The following NRG1 variants were observed in gnomAD, a reference collection of about 807,000 sequenced individuals.
NRG1 encodes the protein pro-neuregulin-1, membrane-bound isoform.
NRG1 carries 18 observed loss-of-function variants against 63.8 expected under a neutral mutation model. The observed-to-expected ratio is 0.28, with a 90% CI of 0.19 to 0.42. The LOEUF is 0.42. Among genes scored for constraint, NRG1 ranks in the 10% least tolerant of loss-of-function variants. NRG1 has a pLI of 1.00. For synonymous variants in NRG1, 302 were observed against 301.3 expected (o/e 1.00, Z -0.02); for missense variants, 762 against 814.7 (o/e 0.94, Z 0.79).
intron 1 of NRG1, among the ~76,000 whole-genome samples, chr8:31,934,351 G>A (rs1835111194): frequency 6.7e-6 from 1 of 149,414 alleles, no homozygotes; most frequent in African/African-American, 2.5e-5. Flanking sequence ...ATATATATGT[G>A]TGTGTATATA....
chr8:32,684,287 C>T (rs913404159), intron 5 of NRG1, among the ~76,000 whole-genome samples: 2 of 152,066 alleles, frequency 1.3e-5, no homozygotes, highest in Non-Finnish European at 2.9e-5. Flanking sequence ...TTAAACATTA[C>T]CTACATTTAA....
At chr8:31,761,299 T>C (rs1817529225) in intron 1 of NRG1, among the ~76,000 whole-genome samples, 1 of 151,856 alleles carries the variant, frequency 6.6e-6, no homozygotes, top group African/African-American at 2.4e-5. Flanking sequence ...CTGGGGACTG[T>C]TGTGGGGTGA....
At chr8:32,752,025 A>G (rs1391739214) in intron 7 of NRG1, among the ~76,000 whole-genome samples, 1 of 152,206 alleles carries the variant, frequency 6.6e-6, no homozygotes, top group Non-Finnish European at 1.5e-5. Context: ...ATGTCAGTAG[A>G]CAAGAATAAC....
chr8:32,732,009 C>T (rs964653805), intron 6 of NRG1, among the ~76,000 whole-genome samples: 1 of 152,162 alleles, frequency 6.6e-6, no homozygotes, highest in African/African-American at 2.4e-5. Context: ...GATGTTACAG[C>T]AAATCTCTTT....
At chr8:32,692,220 T>G (rs1024355698) in intron 5 of NRG1, among the ~76,000 whole-genome samples, 3 of 152,220 alleles carry the variant, frequency 2.0e-5, no homozygotes, top group Non-Finnish European at 4.4e-5. Flanking sequence ...TTTAGCACAG[T>G]TGGCCTCTGG....
chr8:31,806,673 T>C (rs929166438), intron 1 of NRG1, among the ~76,000 whole-genome samples: 3 of 152,216 alleles, frequency 2.0e-5, no homozygotes, highest in Admixed American at 6.5e-5. Flanking sequence ...TTGATCCAAA[T>C]GACCATTAAT....
At chr8:32,459,695 A>G (rs60339291) in intron 1 of NRG1, among the ~76,000 whole-genome samples, 1 of 152,134 alleles carries the variant, frequency 6.6e-6, no homozygotes, top group African/African-American at 2.4e-5. Context: ...ATTTAGAATA[A>G]AATGAAACTC....
intron 1 of NRG1, among the ~76,000 whole-genome samples, chr8:31,951,462 A>G (rs572921950): frequency 1.3e-4 from 20 of 152,312 alleles, no homozygotes; most frequent in South Asian, 8.3e-4. Flanking sequence ...AAAAAAGTCA[A>G]TGGCTGAGAT....
At chr8:32,450,032 T>C (rs1207965687) in intron 1 of NRG1, among the ~76,000 whole-genome samples, 2 of 152,108 alleles carry the variant, frequency 1.3e-5, no homozygotes, top group African/African-American at 2.4e-5. Context: ...TGAACTGTGA[T>C]TGAATTTTAG....
intron 1 of NRG1, among the ~76,000 whole-genome samples, chr8:31,892,245 A>G (rs931967212): frequency 2.0e-5 from 3 of 152,182 alleles, no homozygotes; most frequent in South Asian, 2.1e-4. Context: ...CAGTTGATCA[A>G]GCTGCTCTTA....
intron 1 of NRG1, among the ~76,000 whole-genome samples, chr8:31,790,841 G>C (rs1486876405): frequency 6.6e-6 from 1 of 152,176 alleles, no homozygotes; most frequent in Non-Finnish European, 1.5e-5. Context: ...ACCTTGTCCA[G>C]GGGTGGTTAA....
chr8:32,543,261 A>G (rs1832746321), intron 1 of NRG1, among the ~76,000 whole-genome samples: 1 of 152,200 alleles, frequency 6.6e-6, no homozygotes, highest in South Asian at 2.1e-4. Context: ...ATATATTGAC[A>G]CACAAATAAA....
At chr8:32,054,718 ACT>A (rs1461881826) in intron 1 of NRG1, among the ~76,000 whole-genome samples, 1 of 151,962 alleles carries the variant, frequency 6.6e-6, no homozygotes, top group Non-Finnish European at 1.5e-5. Flanking sequence ...ATTTAGAAAC[ACT>A]CTGACATATC....
In NRG1 at chr8:32,083,936, TAGAG is replaced by T. The variant is rs150868858; in HGVS notation, c.37+444509_37+444512del. On this transcript the variant is annotated intron_variant, in intron 1 of 10. Coordinates refer to the NRG1 transcript ENST00000519301. Reference sequence around the variant, plus strand: ...TGACTGACAAAATTTTTGAAAGTAATAGAGAGAAACTGAGGCATAAAATTTACCT... The same window carrying T: ...TGACTGACAAAATTTTTGAAAGTAATAGAAACTGAGGCATAAAATTTACCT... Among the ~76,000 whole-genome samples the T allele has an allele frequency of 7.8e-3, 1,184 of 152,252 alleles. 6 individuals are homozygous for T. The highest frequency in any genetic ancestry group is 0.017 in the Middle Eastern group (5 of 294).
chr8:32,674,891 CCTT>C (rs1484148936), intron 5 of NRG1, among the ~76,000 whole-genome samples: 1 of 152,174 alleles, frequency 6.6e-6, no homozygotes, highest in Middle Eastern at 3.2e-3. Flanking sequence ...GCCCAAGTCT[CCTT>C]CTGAATCTAG....
intron 3 of NRG1, among the ~76,000 whole-genome samples, chr8:32,610,512 A>T (rs187864661): frequency 6.6e-6 from 1 of 152,324 alleles, no homozygotes; most frequent in African/African-American, 2.4e-5. Flanking sequence ...TATCTGGATT[A>T]GTGACTAAAT....
intron 1 of NRG1, among the ~76,000 whole-genome samples, chr8:31,952,305 C>T (rs1167577841): frequency 6.6e-6 from 1 of 152,202 alleles, no homozygotes; most frequent in Non-Finnish European, 1.5e-5. Flanking sequence ...CAAATCAAAT[C>T]ATAACATAAT....
intron 1 of NRG1, among the ~76,000 whole-genome samples, chr8:31,834,307 G>GCACGCACACACA (rs373890145): frequency 0.19 from 22,831 of 119,386 alleles, 2,319 homozygotes; most frequent in East Asian, 0.53. Flanking sequence ...GCGCACGCGC[G>GCACGCACACACA]CACACACACA....
chr8:32,446,557 AG>A (rs1396165933), intron 1 of NRG1, among the ~76,000 whole-genome samples: 2 of 152,158 alleles, frequency 1.3e-5, no homozygotes, highest in Non-Finnish European at 1.5e-5. Flanking sequence ...CAGGAAGCTA[AG>A]GCACAATAAT....
Sources: gnomAD v4.1 joint callset for allele counts (sites outside exome capture counted in the v4.1 genomes callset) on GRCh38, gnomAD v4.1.1 for gene constraint, MANE v1.5 for transcripts, NCBI Gene and HGNC (gene_info 2026-07-23, HGNC 2026-07-21) for gene names.